The following CACNG2 variants were observed in gnomAD, a reference collection of about 807,000 sequenced individuals.
CACNG2 encodes the protein calcium voltage-gated channel auxiliary subunit gamma 2.
Under a neutral mutation model 25.9 loss-of-function variants are expected in CACNG2, and 3 were observed. That is an observed-to-expected ratio of 0.12 (90% CI 0.05 to 0.30). CACNG2 has a LOEUF of 0.30. Among genes scored for constraint, CACNG2 ranks in the 10% least tolerant of loss-of-function variants. The pLI, the probability that CACNG2 is intolerant of heterozygous loss-of-function variation, is 1.00. For synonymous variants in CACNG2, 167 were observed against 173.3 expected (o/e 0.96, Z 0.29); for missense variants, 341 against 432.5 (o/e 0.79, Z 1.88).
At chr22:36,627,347 A>G (rs1454718613) in intron 1 of CACNG2, among the ~76,000 whole-genome samples, 3 of 148,360 alleles carry the variant, frequency 2.0e-5, no homozygotes, top group African/African-American at 7.5e-5. Flanking sequence ...GAATGAGAGA[A>G]TCAGGGTAGA....
chr22:36,642,082 CA>C (rs1936449599), intron 1 of CACNG2, among the ~76,000 whole-genome samples: 1 of 151,996 alleles, frequency 6.6e-6, no homozygotes, highest in Admixed American at 6.6e-5. Flanking sequence ...GGACTCCTTC[CA>C]AAAATCGGAG....
At position 36,563,388 on chromosome 22, in the gene CACNG2, T is replaced by C. The variant is rs1193051855; in HGVS notation, c.*963A>G. Among the ~76,000 whole-genome samples, 1 of 151,512 alleles carries C rather than the reference T, an allele frequency of 6.6e-6. No homozygotes were observed. The highest frequency in any genetic ancestry group is 1.5e-5 in the Non-Finnish European group (1 of 67,840). ...CCCCGGGGGGGGGGGTGGCATCTCC[T>C]GACCCCAAGGACAGGAGCTTGGGGA... On this transcript the variant is annotated 3_prime_UTR_variant, in exon 4 of 4. Coordinates refer to ENST00000300105, the MANE Select transcript of CACNG2 (RefSeq NM_006078.5).
At chr22:36,693,094 C>T (rs192574475) in intron 1 of CACNG2, among the ~76,000 whole-genome samples, 1 of 152,138 alleles carries the variant, frequency 6.6e-6, no homozygotes, top group Non-Finnish European at 1.5e-5. Flanking sequence ...TGCAGTGAGC[C>T]AAGATTGCAC....
Position 36,563,366 on chromosome 22 carries a change from C to CGG in CACNG2, c.*983_*984dup, listed in dbSNP as rs56791508. Among the ~76,000 whole-genome samples, 566 of 148,076 alleles carry CGG rather than the reference C, an allele frequency of 3.8e-3. 5 individuals carry two copies. Among genetic ancestry groups the CGG allele is most frequent in the Middle Eastern group, 0.01 (3 of 288 alleles). On this transcript the variant is annotated 3_prime_UTR_variant, in exon 4 of 4. Coordinates refer to ENST00000300105, the MANE Select transcript of CACNG2 (RefSeq NM_006078.5). ...GGAGGGAGAGCTGTTTCATGTCCCC[C>CGG]GGGGGGGGGGGTGGCATCTCCTGAC... is the stretch of plus-strand genomic sequence containing the variant.
intron 1 of CACNG2, among the ~76,000 whole-genome samples, chr22:36,669,309 C>T (rs898653688): frequency 6.6e-6 from 1 of 151,606 alleles, no homozygotes; most frequent in Non-Finnish European, 1.5e-5. Flanking sequence ...TGAGACCAGC[C>T]TGGCCAACAC....
intron 2 of CACNG2, among the ~76,000 whole-genome samples, chr22:36,567,397 T>C (rs1179135883): frequency 1.3e-5 from 2 of 152,108 alleles, no homozygotes; most frequent in Non-Finnish European, 2.9e-5. Flanking sequence ...AGTCTGCCAA[T>C]AGAAGCTCAT....
intron 2 of CACNG2, among the ~76,000 whole-genome samples, chr22:36,578,918 T>TG (rs143855942): frequency 0.026 from 3,988 of 152,218 alleles, 125 homozygotes; most frequent in Admixed American, 0.087. Flanking sequence ...TCACAGTCCG[T>TG]GGGGAGAAGA....
In CACNG2 at chr22:36,566,390, G is replaced by A. The variant is rs546154630; in HGVS notation, c.399C>T (p.Asn133=). The change falls in exon 3 of 4, where the codon AAC becomes AAT. Residue 133 remains asparagine, a synonymous_variant. Coordinates refer to ENST00000300105, the MANE Select transcript of CACNG2 (RefSeq NM_006078.5). ...AASEFYKTRH[N]IILSAGIFFV... ...AGAAGATGCCGGCACTCAGGATGATGTTGTGTCGAGTTTTGTAGAACTCGC... is the reference window on the plus strand; with the variant it reads ...AGAAGATGCCGGCACTCAGGATGATATTGTGTCGAGTTTTGTAGAACTCGC... 1.9e-6 allele frequency: 3 copies of A among 1,614,154 alleles called. No homozygotes were observed. Among genetic ancestry groups the A allele is most frequent in the East Asian group, 4.5e-5 (2 of 44,884 alleles).
chr22:36,673,033 C>T (rs1489044456), intron 1 of CACNG2, among the ~76,000 whole-genome samples: 1 of 152,178 alleles, frequency 6.6e-6, no homozygotes, highest in Non-Finnish European at 1.5e-5. Flanking sequence ...CGAGATCAGC[C>T]TGGGCAACAA....
chr22:36,570,762 CAAAAAAAA>C (rs11445356), intron 2 of CACNG2, among the ~76,000 whole-genome samples: 8 of 64,158 alleles, frequency 1.2e-4, no homozygotes, highest in African/African-American at 4.1e-4. Context: ...GACTCCATCT[CAAAAAAAA>C]AAAAAAAAAA....
chr22:36,638,535 C>T (rs1936393974), intron 1 of CACNG2, among the ~76,000 whole-genome samples: 1 of 152,182 alleles, frequency 6.6e-6, no homozygotes, highest in Non-Finnish European at 1.5e-5. Flanking sequence ...GGAACACTCT[C>T]CCCCAGTTTT....
intron 2 of CACNG2, 54 bp downstream of exon 2, chr22:36,587,411 G>A: frequency 7.8e-7 from 1 of 1,283,086 alleles, no homozygotes; most frequent in Non-Finnish European, 1.1e-6. Context: ...TGTGAAGGAT[G>A]GAAGGGCAGG....
intron 3 of CACNG2, among the ~76,000 whole-genome samples, chr22:36,565,445 G>T (rs1935109372): frequency 6.6e-6 from 1 of 151,974 alleles, no homozygotes; most frequent in Non-Finnish European, 1.5e-5. Context: ...GGGTTAAATG[G>T]GTGAATACAT....
At chr22:36,585,827 T>A (rs1376859692) in intron 2 of CACNG2, among the ~76,000 whole-genome samples, 1 of 152,272 alleles carries the variant, frequency 6.6e-6, no homozygotes, top group African/African-American at 2.4e-5. Context: ...CTATGCTCTA[T>A]GCTCTTCTTT....
intron 1 of CACNG2, among the ~76,000 whole-genome samples, chr22:36,644,677 C>A (rs931734596): frequency 2.6e-5 from 4 of 152,140 alleles, no homozygotes; most frequent in African/African-American, 9.7e-5. Context: ...GTTTTCTCAC[C>A]TGTAAAATGG....
At chr22:36,576,327 G>A (rs1221155204) in intron 2 of CACNG2, among the ~76,000 whole-genome samples, 1 of 152,166 alleles carries the variant, frequency 6.6e-6, no homozygotes, top group East Asian at 1.9e-4. Context: ...GCTAACCTAC[G>A]AGGATGCAAA....
At chr22:36,648,337 G>A (rs544991009) in intron 1 of CACNG2, among the ~76,000 whole-genome samples, 5 of 152,244 alleles carry the variant, frequency 3.3e-5, no homozygotes, top group South Asian at 2.1e-4. Flanking sequence ...GAGTAATATC[G>A]TATACTGCCA....
chr22:36,617,211 ATTCT>A (rs1936035180), intron 1 of CACNG2, among the ~76,000 whole-genome samples: 1 of 152,188 alleles, frequency 6.6e-6, no homozygotes, highest in Non-Finnish European at 1.5e-5. Flanking sequence ...CATATTTAAT[ATTCT>A]TTCTTTATGT....
chr22:36,649,918 A>G (rs1043707718), intron 1 of CACNG2, among the ~76,000 whole-genome samples: 4 of 152,196 alleles, frequency 2.6e-5, no homozygotes, highest in African/African-American at 9.7e-5. Flanking sequence ...TCCTTGATAA[A>G]TTACTCAGTC....
Sources: gnomAD v4.1 joint callset for allele counts (sites outside exome capture counted in the v4.1 genomes callset) on GRCh38, gnomAD v4.1.1 for gene constraint, MANE v1.5 for transcripts, NCBI Gene and HGNC (gene_info 2026-07-23, HGNC 2026-07-21) for gene names.